GFOD1: variants seen among roughly 807,000 people sequenced by gnomAD.
GFOD1 encodes Gfo/Idh/MocA-like oxidoreductase domain containing 1.
In GFOD1, 9 loss-of-function variants were observed where a neutral mutation model predicts 25.4. The observed-to-expected ratio is 0.35, with a 90% CI of 0.21 to 0.62. GFOD1 has a LOEUF of 0.62. Ranked by LOEUF, GFOD1 falls within the 20% of genes least tolerant of loss-of-function variation. The probability of loss-of-function intolerance (pLI) is 0.72; values close to 1 mark genes in which losing one functional copy is unlikely to be tolerated. For missense variants in GFOD1, 403 were observed against 556.9 expected, an observed-to-expected ratio of 0.72 and a Z score of 2.78; for synonymous variants, 253 against 245.6, an observed-to-expected ratio of 1.03 and a Z score of -0.28.
chr6:13,409,937 A>AG (rs1226244374), intron 1 of GFOD1, among the ~76,000 whole-genome samples: 47 of 37,236 alleles, frequency 1.3e-3, no homozygotes, highest in Non-Finnish European at 2.5e-3. Context: ...AAAAAAAAAA[A>AG]AAAGAAAGAA....
intron 1 of GFOD1, among the ~76,000 whole-genome samples, chr6:13,375,840 A>G (rs1562196851): frequency 1.3e-5 from 2 of 152,206 alleles, no homozygotes; most frequent in South Asian, 4.1e-4. Context: ...GACGGAAACT[A>G]TCACATGTGT....
chr6:13,456,534 C>A (rs1758193454), intron 1 of GFOD1, among the ~76,000 whole-genome samples: 1 of 152,148 alleles, frequency 6.6e-6, no homozygotes, highest in African/African-American at 2.4e-5. Flanking sequence ...CAAGCTTATT[C>A]CACTTTCTTT....
At chr6:13,446,251 C>G (rs894078884) in intron 1 of GFOD1, among the ~76,000 whole-genome samples, 3 of 152,184 alleles carry the variant, frequency 2.0e-5, no homozygotes, top group Non-Finnish European at 4.4e-5. Flanking sequence ...TGTTTCAAAT[C>G]ACCTTTAAAA....
chr6:13,398,590 G>A (rs374547862), intron 1 of GFOD1, among the ~76,000 whole-genome samples: 19 of 152,276 alleles, frequency 1.2e-4, no homozygotes, highest in East Asian at 3.9e-4. Context: ...CAAATGCAGC[G>A]TCCAAGGAGC....
intron 1 of GFOD1, among the ~76,000 whole-genome samples, chr6:13,467,824 T>A (rs1758403963): frequency 6.6e-6 from 1 of 152,244 alleles, no homozygotes; most frequent in African/African-American, 2.4e-5. Flanking sequence ...TTCAGAGTCA[T>A]GCCCAATTAC....
chr6:13,423,954 G>T (rs1786307712), intron 1 of GFOD1, among the ~76,000 whole-genome samples: 1 of 152,250 alleles, frequency 6.6e-6, no homozygotes, highest in African/African-American at 2.4e-5. Context: ...TGCCTCCTGG[G>T]TTCAAGTGAT....
chr6:13,431,605 A>G lies in GFOD1; in HGVS notation c.253+55033T>C, dbSNP rs568656804. The stretch of plus-strand genomic sequence containing the variant: ...AGAGCTTGGTGGCACTTTTCTAACT[A>G]AAAAACTGCACCCACTCTCTTCTCT... On this transcript the variant is annotated intron_variant, in intron 1 of 1. Coordinates refer to ENST00000379287, the MANE Select transcript of GFOD1 (RefSeq NM_018988.4). 3.9e-5 allele frequency among the ~76,000 whole-genome samples: 6 copies of G among 152,334 alleles called. No individual in the cohort carries two copies. In the East Asian group the frequency reaches 7.7e-4, roughly 20 times the overall value.
intron 1 of GFOD1, among the ~76,000 whole-genome samples, chr6:13,383,336 G>T (rs1363868009): frequency 6.6e-6 from 1 of 152,230 alleles, no homozygotes; most frequent in African/African-American, 2.4e-5. Flanking sequence ...GGTAACTGCA[G>T]TGTGTTTTGA....
chr6:13,390,722 A>G lies in GFOD1; in HGVS notation c.254-25060T>C, dbSNP rs144481332. Among the ~76,000 whole-genome samples, 284 of 81,448 alleles carry G rather than the reference A, an allele frequency of 3.5e-3. 4 individuals are homozygous for G. Among genetic ancestry groups the G allele is most frequent in the Middle Eastern group, 6.8e-3 (1 of 146 alleles). The allele number at this position is 81,448 out of a possible 152,430, so 53.4% of individuals were successfully genotyped here. A position where few individuals can be genotyped will look rare whatever the true frequency, so the allele number is the denominator to read the frequency against. On this transcript the variant is annotated intron_variant, in intron 1 of 1. Transcript: ENST00000379287. ...AGCCTGGTGACAGTGAGACCCTGTG[A>G]AAAAAAAAAAAAGAAAGAAAGACAG...
chr6:13,413,458 T>A (rs1009813160), intron 1 of GFOD1, among the ~76,000 whole-genome samples: 1 of 152,122 alleles, frequency 6.6e-6, no homozygotes, highest in Non-Finnish European at 1.5e-5. Flanking sequence ...AGAGGTCCGA[T>A]CCAAGAAAAA....
chr6:13,417,159 T>C (rs945639711), intron 1 of GFOD1, among the ~76,000 whole-genome samples: 3 of 152,222 alleles, frequency 2.0e-5, no homozygotes, highest in African/African-American at 7.2e-5. Context: ...ACTCTAGTAC[T>C]CCATGTTCGG....
intron 1 of GFOD1, among the ~76,000 whole-genome samples, chr6:13,376,960 A>G (rs1041635805): frequency 1.3e-5 from 2 of 151,984 alleles, no homozygotes; most frequent in African/African-American, 4.8e-5. Context: ...GAAATTCTCT[A>G]TTCAAGGTGG....
At chr6:13,414,564 C>T (rs1584637999) in intron 1 of GFOD1, among the ~76,000 whole-genome samples, 1 of 152,332 alleles carries the variant, frequency 6.6e-6, no homozygotes, top group East Asian at 1.9e-4. Flanking sequence ...CCTGGCATGG[C>T]CACCTAGGTC....
chr6:13,377,242 T>C (rs773674811), intron 1 of GFOD1, among the ~76,000 whole-genome samples: 3 of 152,198 alleles, frequency 2.0e-5, no homozygotes, highest in Admixed American at 2.0e-4. Flanking sequence ...ATTAGTTTTG[T>C]ATTGCTGCTA....
intron 1 of GFOD1, among the ~76,000 whole-genome samples, chr6:13,446,119 T>C (rs923281801): frequency 7.9e-5 from 12 of 152,252 alleles, no homozygotes; most frequent in African/African-American, 2.7e-4. Flanking sequence ...CTGTCCACTT[T>C]GCTAATAATC....
intron 1 of GFOD1, among the ~76,000 whole-genome samples, chr6:13,452,888 G>A (rs1316604269): frequency 6.6e-6 from 1 of 152,168 alleles, no homozygotes; most frequent in African/African-American, 2.4e-5. Context: ...GTGTTCCTTG[G>A]CTGTAAAATA....
In GFOD1 at chr6:13,487,031, C is replaced by A. The variant is rs1015326265; in HGVS notation, c.-141G>T. The A allele has an allele frequency of 2.9e-5, 30 of 1,039,404 alleles. No homozygotes were observed. Among genetic ancestry groups the A allele is most frequent in the Non-Finnish European group, 3.9e-5 (29 of 734,294 alleles). The allele number at this position is 1,039,404 out of a possible 1,614,324, so 64.4% of individuals were successfully genotyped here. ...GCCAGCCGCCGTGCACCGGGCAAGGCGCCCGGGTGCCCAGAGCGCACCGAG... is the reference window on the plus strand; with the variant it reads ...GCCAGCCGCCGTGCACCGGGCAAGGAGCCCGGGTGCCCAGAGCGCACCGAG... On this transcript the variant is annotated 5_prime_UTR_variant, in exon 1 of 2. Transcript: ENST00000379287. This position sits in a 1 kb window ranked among gnomAD's most constrained non-coding sequence, Gnocchi z 4.9.
intron 1 of GFOD1, among the ~76,000 whole-genome samples, chr6:13,434,478 T>A (rs1306684151): frequency 6.8e-4 from 74 of 108,182 alleles, no homozygotes; most frequent in East Asian, 1.5e-3. Flanking sequence ...AGTGCAGGGC[T>A]TTATGGGAAC....
chr6:13,472,227 G>A (rs1409051309), intron 1 of GFOD1, among the ~76,000 whole-genome samples: 1 of 152,188 alleles, frequency 6.6e-6, no homozygotes, highest in Admixed American at 6.5e-5. Context: ...TTCAAGTTGA[G>A]ATTTTAGCGG....
Sources: allele counts gnomAD v4.1 joint callset (sites outside exome capture counted in the v4.1 genomes callset), GRCh38; gene constraint gnomAD v4.1.1; non-coding constraint Gnocchi (gnomAD v3.1); transcripts MANE v1.5; gene names NCBI Gene and HGNC (gene_info 2026-07-23, HGNC 2026-07-21).